The following RPS6KA2 variants were observed in gnomAD, a reference collection of about 807,000 sequenced individuals.
RPS6KA2 encodes ribosomal protein S6 kinase A2.
Under a neutral mutation model 91.8 loss-of-function variants are expected in RPS6KA2, and 42 were observed. That is an observed-to-expected ratio of 0.46 (90% CI 0.36 to 0.59). RPS6KA2 has a LOEUF of 0.59. Among genes scored for constraint, RPS6KA2 ranks in the 20% least tolerant of loss-of-function variants. The probability of loss-of-function intolerance (pLI) is 0.00; values close to 1 mark genes in which losing one functional copy is unlikely to be tolerated. For missense variants in RPS6KA2, 798 were observed against 978.5 expected, an observed-to-expected ratio of 0.82 and a Z score of 2.46; for synonymous variants, 414 against 393.6, an observed-to-expected ratio of 1.05 and a Z score of -0.61.
intron 1 of RPS6KA2, among the ~76,000 whole-genome samples, chr6:166,613,207 T>G (rs1356736212): frequency 6.6e-6 from 1 of 152,260 alleles, no homozygotes; most frequent in East Asian, 1.9e-4. Context: ...CAGTTTGACA[T>G]GAATGCTTCC....
chr6:166,544,208 G>A lies in RPS6KA2; in HGVS notation c.100-5424C>T, dbSNP rs147448431. 3.3e-4 allele frequency among the ~76,000 whole-genome samples: 51 copies of A among 152,354 alleles called. 1 individual carries two copies. The East Asian group carries it at 9.2e-3, about 28-fold the overall frequency. On this transcript the variant is annotated intron_variant, in intron 1 of 20. Transcript: ENST00000265678. ...CAGGACTTTCGGTTGTATTTCACAT[G>A]AGGGCTAGCCACATGTAGTCTACCA... is the stretch of plus-strand genomic sequence containing the variant.
intron 2 of RPS6KA2, among the ~76,000 whole-genome samples, chr6:166,776,526 C>G (rs1778623809): frequency 6.6e-6 from 1 of 152,132 alleles, no homozygotes; most frequent in Non-Finnish European, 1.5e-5. Context: ...CCAGGTAATT[C>G]CCAACATCTG....
Position 166,627,101 on chromosome 6 carries a change from G to A in RPS6KA2, c.-82C>T, listed in dbSNP as rs532426458. 7.4e-6 allele frequency: 9 copies of A among 1,208,718 alleles called. No homozygotes were observed. The South Asian group carries it at 2.2e-4, about 30-fold the overall frequency. The allele number at this position is 1,208,718 out of a possible 1,614,324, so 74.9% of individuals were successfully genotyped here. Reference sequence around the variant, plus strand: ...CCCAGGCGCGGGGCTCAGGTCCGCGGGCGGGCACGCGTGGCCAGGGAGCCC... The same window carrying A: ...CCCAGGCGCGGGGCTCAGGTCCGCGAGCGGGCACGCGTGGCCAGGGAGCCC... On this transcript the variant is annotated 5_prime_UTR_variant, in exon 1 of 21. Transcript: ENST00000265678.
Position 166,767,774 on chromosome 6 carries a change from AAC to A in RPS6KA2, c.123+90424_123+90425del, listed in dbSNP as rs71639661. ...AAGAACTAAAGACAATACCTCCTCA[AAC>A]ACACACACACACACACACACACACA... On this transcript the variant is annotated intron_variant, in intron 2 of 21. Transcript: ENST00000503859. This position sits in a 1 kb window ranked among gnomAD's most constrained non-coding sequence, Gnocchi z 4.6. Among the ~76,000 whole-genome samples, 37,641 of 146,414 alleles carry A rather than the reference AAC, an allele frequency of 0.26. 4,639 individuals are homozygous for A. Among genetic ancestry groups the A allele is most frequent in the South Asian group, 0.32 (1,425 of 4,396 alleles).
intron 1 of RPS6KA2, chr6:166,586,265 C>T (rs910656376): frequency 1.3e-6 from 2 of 1,597,086 alleles, no homozygotes; most frequent in African/African-American, 3.4e-5. Flanking sequence ...TTGGCCACCC[C>T]CATCTGTTGT....
In RPS6KA2 at chr6:166,828,162, T is replaced by A. The variant is rs191061101; in HGVS notation, c.123+30038A>T. ...CAGCATGGGGCATGGGCATCCCACC[T>A]GTTCCCTCCCAGCTTCAGCACAGTG... On this transcript the variant is annotated intron_variant, in intron 2 of 21. Transcript: ENST00000503859. Among the ~76,000 whole-genome samples, 628 of 152,342 alleles carry A rather than the reference T, an allele frequency of 4.1e-3. 6 individuals carry two copies. The highest frequency in any genetic ancestry group is 0.014 in the African/African-American group (595 of 41,576).
chr6:166,484,923 C>A (rs1781353312), intron 10 of RPS6KA2, among the ~76,000 whole-genome samples: 1 of 152,216 alleles, frequency 6.6e-6, no homozygotes, highest in Admixed American at 6.5e-5. Context: ...AGTACTGTCA[C>A]GAGAATTCAA....
chr6:166,747,411 T>C (rs948505786), intron 2 of RPS6KA2, among the ~76,000 whole-genome samples: 1 of 152,246 alleles, frequency 6.6e-6, no homozygotes, highest in African/African-American at 2.4e-5. Flanking sequence ...AATGGAAGAA[T>C]GGCCCAGTTG....
intron 15 of RPS6KA2, among the ~76,000 whole-genome samples, chr6:166,430,971 C>T (rs1051724756): frequency 6.6e-6 from 1 of 152,118 alleles, no homozygotes; most frequent in Non-Finnish European, 1.5e-5. Flanking sequence ...GTCACCCAGG[C>T]TGAAGTGCAG....
intron 15 of RPS6KA2, 41 bp downstream of exon 15, chr6:166,432,360 A>G (rs764842514): frequency 5.3e-6 from 7 of 1,313,316 alleles, no homozygotes; most frequent in South Asian, 3.7e-5. Context: ...AGTTGAAGAA[A>G]CAGAAGGAAG....
intron 1 of RPS6KA2, among the ~76,000 whole-genome samples, chr6:166,619,169 A>G (rs1786533592): frequency 6.6e-6 from 1 of 152,182 alleles, no homozygotes; most frequent in African/African-American, 2.4e-5. Flanking sequence ...ACACATCATG[A>G]TCCATGCGTT....
chr6:166,557,077 G>A lies in RPS6KA2; in HGVS notation c.100-18293C>T, dbSNP rs1176939320. Among the ~76,000 whole-genome samples the A allele has an allele frequency of 5.3e-5, 8 of 152,172 alleles. No individual in the cohort carries two copies. Among genetic ancestry groups the A allele is most frequent in the Admixed American group, 1.3e-4 (2 of 15,276 alleles). The stretch of plus-strand genomic sequence containing the variant: ...GGGCTGACTCATCACATCCCGCCTC[G>A]CCAAACACGTTTTCTCTTCCTGTTA... On this transcript the variant is annotated intron_variant, in intron 1 of 20. Coordinates refer to ENST00000265678, the MANE Select transcript of RPS6KA2 (RefSeq NM_021135.6). The surrounding 1 kb of genome is among the most constrained non-coding windows in gnomAD (Gnocchi z 4.8).
At position 166,775,715 on chromosome 6, in the gene RPS6KA2, G is replaced by A. The variant is rs1018620451; in HGVS notation, c.123+82485C>T. ...TCTTTCAGACGCTTGCTGGCTTCAG[G>A]GCTGCAGCCCGGGGATCTTCTCTAG... On this transcript the variant is annotated intron_variant, in intron 2 of 21. Transcript: ENST00000503859. Among the ~76,000 whole-genome samples, 9 of 152,332 alleles carry A rather than the reference G, an allele frequency of 5.9e-5. No individual in the cohort carries two copies. The East Asian group carries it at 1.7e-3, about 29-fold the overall frequency.
chr6:166,744,976 G>A (rs867501988), intron 2 of RPS6KA2, among the ~76,000 whole-genome samples: 3 of 152,074 alleles, frequency 2.0e-5, no homozygotes, highest in Non-Finnish European at 4.4e-5. Flanking sequence ...ACAGAGGCTC[G>A]TGGTTGGAAC....
intron 2 of RPS6KA2, 99 bp downstream of exon 2, chr6:166,538,569 C>T: frequency 1.5e-6 from 1 of 684,270 alleles, no homozygotes; most frequent in Non-Finnish European, 2.7e-6. Context: ...CGCAGCCCTG[C>T]AGGTGAGGAC....
At chr6:166,787,878 T>A (rs1778973691) in intron 2 of RPS6KA2, among the ~76,000 whole-genome samples, 1 of 148,050 alleles carries the variant, frequency 6.8e-6, no homozygotes, top group Non-Finnish European at 1.5e-5. Context: ...AGCATCAGAC[T>A]GAACAGGCAA....
At chr6:166,631,709 T>A (rs1178842566), upstream of RPS6KA2, among the ~76,000 whole-genome samples, 1 of 152,104 alleles carries the variant, frequency 6.6e-6, no homozygotes, top group Non-Finnish European at 1.5e-5. Flanking sequence ...GAGTCATGAC[T>A]CCCAAACAGC....
chr6:166,676,111 G>A (rs868256613), intron 2 of RPS6KA2, among the ~76,000 whole-genome samples: 7 of 152,068 alleles, frequency 4.6e-5, no homozygotes, highest in Admixed American at 1.3e-4. Flanking sequence ...GAGGTCAGGC[G>A]TTGGAGACCA....
intron 14 of RPS6KA2, among the ~76,000 whole-genome samples, chr6:166,447,022 C>T (rs142658525): frequency 5.3e-4 from 81 of 152,328 alleles, no homozygotes; most frequent in Middle Eastern, 3.4e-3. Context: ...GACACAGGAA[C>T]GGCACCTGGG....
Sources: gnomAD v4.1 joint callset for allele counts (sites outside exome capture counted in the v4.1 genomes callset) on GRCh38, gnomAD v4.1.1 for gene constraint, Gnocchi (gnomAD v3.1) non-coding constraint, MANE v1.5 for transcripts, NCBI Gene and HGNC (gene_info 2026-07-23, HGNC 2026-07-21) for gene names.